The following ULK4 variants were observed in gnomAD, a reference collection of about 807,000 sequenced individuals.
The protein encoded by ULK4 is inactive serine/threonine-protein kinase ULK4.
ULK4 carries 133 observed loss-of-function variants against 160.6 expected under a neutral mutation model. The observed-to-expected ratio is 0.83, with a 90% CI of 0.72 to 0.96. The LOEUF (loss-of-function observed/expected upper bound fraction) is 0.96, where lower values mean the gene tolerates loss of function less well. Ranked by LOEUF, ULK4 falls within the 40% of genes least tolerant of loss-of-function variation. ULK4 has a pLI of 0.00. For synonymous variants in ULK4, 534 were observed against 539.8 expected (o/e 0.99, Z 0.15); for missense variants, 1,580 against 1,499.5 (o/e 1.05, Z -0.89).
intron 32 of ULK4, among the ~76,000 whole-genome samples, chr3:41,508,206 C>G (rs749676413): frequency 1.1e-4 from 16 of 152,132 alleles, no homozygotes; most frequent in Non-Finnish European, 1.9e-4. Context: ...TCAGCAGATG[C>G]AGCCGTAATC....
intron 22 of ULK4, among the ~76,000 whole-genome samples, chr3:41,735,100 G>C (rs565801622): frequency 6.6e-6 from 1 of 152,284 alleles, no homozygotes; most frequent in African/African-American, 2.4e-5. Context: ...GAAGGAAATT[G>C]TTTAAAGGAA....
At chr3:41,684,419 T>C (rs1232529163) in intron 27 of ULK4, among the ~76,000 whole-genome samples, 1 of 152,214 alleles carries the variant, frequency 6.6e-6, no homozygotes, top group East Asian at 1.9e-4. Context: ...GAGGTTTCCC[T>C]TTCATCTTAT....
chr3:41,819,348 G>A, intron 19 of ULK4, 75 bp downstream of exon 19: 1 of 1,407,852 alleles, frequency 7.1e-7, no homozygotes, highest in Non-Finnish European at 9.8e-7. Flanking sequence ...ACTGCTGCAG[G>A]CTACAATCCT....
intron 1 of ULK4, among the ~76,000 whole-genome samples, chr3:41,961,550 A>ACCCCTCCCCCCCCCCCCCCCCC (rs57463009): frequency 8.0e-6 from 1 of 124,688 alleles, no homozygotes; most frequent in Admixed American, 7.4e-5. Context: ...GTAGTCACTC[A>ACCCCTCCCCCCCCCCCCCCCCC]CCCCCCCCCC....
chr3:41,479,987 C>G (rs1164539445), intron 32 of ULK4, among the ~76,000 whole-genome samples: 1 of 151,948 alleles, frequency 6.6e-6, no homozygotes, highest in African/African-American at 2.4e-5. Context: ...GCAGGCGGAT[C>G]GAGAGGTCAG....
intron 35 of ULK4, among the ~76,000 whole-genome samples, chr3:41,280,515 C>T (rs1357908472): frequency 2.6e-5 from 4 of 152,120 alleles, no homozygotes; most frequent in Non-Finnish European, 5.9e-5. Context: ...CACTCAAAAC[C>T]GCACAACTAC....
At position 41,705,236 on chromosome 3, in the gene ULK4, G is replaced by A. The variant is rs2036833026; in HGVS notation, c.2686+18C>T. 3 of 1,613,212 alleles carry A rather than the reference G, an allele frequency of 1.9e-6. No individual in the cohort carries two copies. Among genetic ancestry groups the A allele is most frequent in the African/African-American group, 1.3e-5 (1 of 74,954 alleles). Reference sequence around the variant, plus strand: ...AGTACCTCAAACAAAGACACAAAATGTTCCAGGGTCTACTCACCTATGGCT... The same window carrying A: ...AGTACCTCAAACAAAGACACAAAATATTCCAGGGTCTACTCACCTATGGCT... On this transcript the variant is annotated intron_variant, in intron 26 of 36. Transcript: ENST00000301831.
intron 31 of ULK4, among the ~76,000 whole-genome samples, chr3:41,572,157 A>G (rs1332708229): frequency 6.6e-6 from 1 of 152,146 alleles, no homozygotes. Context: ...TGAAGCTGGG[A>G]TTTGGTCTAT....
At chr3:41,669,111 T>C (rs1014932830) in intron 29 of ULK4, among the ~76,000 whole-genome samples, 1 of 152,154 alleles carries the variant, frequency 6.6e-6, no homozygotes, top group African/African-American at 2.4e-5. Context: ...CATCAACATC[T>C]GGAGGAATGC....
chr3:41,902,731 C>CA (rs947945117), intron 12 of ULK4, among the ~76,000 whole-genome samples: 17 of 150,952 alleles, frequency 1.1e-4, no homozygotes, highest in East Asian at 5.8e-4. Flanking sequence ...CTCACATTGC[C>CA]AAAAAAAAGA....
intron 18 of ULK4, 140 bp from the exon 19 acceptor site, chr3:41,819,646 T>G: frequency 4.6e-6 from 3 of 647,788 alleles, no homozygotes; most frequent in Non-Finnish European, 7.7e-6. Flanking sequence ...TACTATCTGA[T>G]GATAACGACT....
intron 14 of ULK4, 38 bp from the exon 15 acceptor site, chr3:41,897,041 A>T (rs370018117): frequency 8.0e-5 from 123 of 1,540,332 alleles, no homozygotes; most frequent in Non-Finnish European, 1.0e-4. Context: ...ACATATGATG[A>T]GAAAAAGAAC....
intron 17 of ULK4, among the ~76,000 whole-genome samples, chr3:41,877,036 T>C (rs966391824): frequency 6.6e-6 from 1 of 152,192 alleles, no homozygotes; most frequent in African/African-American, 2.4e-5. Flanking sequence ...AAAAGAATTA[T>C]AATTTTCAAA....
intron 9 of ULK4, among the ~76,000 whole-genome samples, chr3:41,912,098 C>T (rs543898136): frequency 2.6e-4 from 40 of 152,010 alleles, no homozygotes; most frequent in Non-Finnish European, 5.0e-4. Context: ...GAGGCCACAG[C>T]GGGCAAATCG....
At chr3:41,837,484 T>C (rs545320329) in intron 17 of ULK4, among the ~76,000 whole-genome samples, 7 of 152,284 alleles carry the variant, frequency 4.6e-5, no homozygotes, top group East Asian at 3.9e-4. Flanking sequence ...TATTAGATCA[T>C]ACACTATATA....
At chr3:41,433,347 G>C (rs1052143886) in intron 34 of ULK4, among the ~76,000 whole-genome samples, 1 of 152,140 alleles carries the variant, frequency 6.6e-6, no homozygotes. Flanking sequence ...CTGAGTATCA[G>C]CAAGGAGAAA....
At chr3:41,453,736 G>A (rs1295409583) in intron 34 of ULK4, among the ~76,000 whole-genome samples, 1 of 151,954 alleles carries the variant, frequency 6.6e-6, no homozygotes, top group Non-Finnish European at 1.5e-5. Context: ...CATTATTATT[G>A]TTATTGTTCA....
intron 31 of ULK4, among the ~76,000 whole-genome samples, chr3:41,601,150 T>C (rs2032033618): frequency 6.6e-6 from 1 of 152,128 alleles, no homozygotes; most frequent in South Asian, 2.1e-4. Flanking sequence ...TATCTTAACA[T>C]AAACAAAGTG....
chr3:41,302,663 A>G (rs1355822038), intron 35 of ULK4, among the ~76,000 whole-genome samples: 2 of 152,220 alleles, frequency 1.3e-5, no homozygotes, highest in African/African-American at 4.8e-5. Flanking sequence ...ATTACTCCAA[A>G]AAGTTCAGAT....
Sources: gnomAD v4.1 joint callset for allele counts (sites outside exome capture counted in the v4.1 genomes callset) on GRCh38, gnomAD v4.1.1 for gene constraint, MANE v1.5 for transcripts, NCBI Gene and HGNC (gene_info 2026-07-23, HGNC 2026-07-21) for gene names.